The following GRIA4 variants were observed in gnomAD, a reference collection of about 807,000 sequenced individuals.
GRIA4 encodes glutamate receptor 4.
GRIA4 carries 34 observed loss-of-function variants against 104.0 expected under a neutral mutation model. The ratio of observed to expected loss-of-function variants is 0.33; its 90% CI spans 0.25 to 0.44. GRIA4 has a LOEUF of 0.44. GRIA4 is among the 20% of genes least tolerant of loss of function. The probability of loss-of-function intolerance (pLI) is 1.00; values close to 1 mark genes in which losing one functional copy is unlikely to be tolerated. For missense variants in GRIA4, 750 were observed against 1,096.5 expected (o/e 0.68, Z 4.46); for synonymous variants, 386 against 381.9 (o/e 1.01, Z -0.13).
At chr11:105,969,625 G>A (rs1024617837) in intron 14 of GRIA4, among the ~76,000 whole-genome samples, 5 of 152,038 alleles carry the variant, frequency 3.3e-5, no homozygotes, top group Non-Finnish European at 7.4e-5. Flanking sequence ...GGAAACTCTC[G>A]AACTTTCCTC....
intron 3 of GRIA4, among the ~76,000 whole-genome samples, chr11:105,677,000 T>C (rs1262241595): frequency 6.6e-6 from 1 of 151,812 alleles, no homozygotes; most frequent in Non-Finnish European, 1.5e-5. Context: ...AAAACATGCA[T>C]TCCATTTGCA....
intron 3 of GRIA4, among the ~76,000 whole-genome samples, chr11:105,746,494 G>A (rs1939667925): frequency 6.6e-6 from 1 of 151,810 alleles, no homozygotes; most frequent in South Asian, 2.1e-4. Flanking sequence ...AGGAATCAGG[G>A]AAAGTTTGCT....
chr11:105,904,127 A>T (rs1946960127), intron 8 of GRIA4, 146 bp downstream of exon 8: 2 of 614,238 alleles, frequency 3.3e-6, no homozygotes, highest in South Asian at 2.2e-5. Flanking sequence ...GAACATTTCT[A>T]CATAAAATAC....
At chr11:105,762,365 G>A (rs773325746) in intron 4 of GRIA4, among the ~76,000 whole-genome samples, 17 of 152,176 alleles carry the variant, frequency 1.1e-4, no homozygotes, top group African/African-American at 4.1e-4. Flanking sequence ...ATACATTTTT[G>A]TTTAGAGTCG....
chr11:105,861,531 C>T (rs1402927534), intron 4 of GRIA4, among the ~76,000 whole-genome samples: 3 of 151,920 alleles, frequency 2.0e-5, no homozygotes, highest in East Asian at 1.9e-4. Flanking sequence ...AATAAAGCAC[C>T]GAGAATAATG....
intron 14 of GRIA4, among the ~76,000 whole-genome samples, chr11:105,952,629 T>C (rs1049187286): frequency 6.6e-6 from 1 of 152,198 alleles, no homozygotes; most frequent in African/African-American, 2.4e-5. Flanking sequence ...TAGAGACAAT[T>C]GCTGGAATCC....
At chr11:105,791,875 A>T (rs1942228430) in intron 4 of GRIA4, among the ~76,000 whole-genome samples, 1 of 152,156 alleles carries the variant, frequency 6.6e-6, no homozygotes, top group South Asian at 2.1e-4. Flanking sequence ...AAGCTTAGTA[A>T]GAGGATTTAT....
intron 3 of GRIA4, among the ~76,000 whole-genome samples, chr11:105,731,265 C>A (rs1938569515): frequency 6.6e-6 from 1 of 152,126 alleles, no homozygotes; most frequent in African/African-American, 2.4e-5. Flanking sequence ...GGCCAACAAA[C>A]ATATGCAAAA....
intron 14 of GRIA4, among the ~76,000 whole-genome samples, chr11:105,968,710 C>A (rs1406367316): frequency 1.3e-5 from 2 of 152,126 alleles, no homozygotes; most frequent in Non-Finnish European, 2.9e-5. Context: ...GTGATATGGT[C>A]CTGTTTTATG....
chr11:105,746,759 T>C (rs147373210), intron 3 of GRIA4, among the ~76,000 whole-genome samples: 7 of 152,256 alleles, frequency 4.6e-5, no homozygotes, highest in African/African-American at 4.8e-5. Context: ...CAGGAAATTA[T>C]ATAAAATATC....
chr11:105,746,052 A>G (rs545988094), intron 3 of GRIA4, among the ~76,000 whole-genome samples: 1 of 152,106 alleles, frequency 6.6e-6, no homozygotes, highest in Non-Finnish European at 1.5e-5. Flanking sequence ...TATAATTATA[A>G]TATTTTCATA....
At chr11:105,869,188 GT>G (rs1458403118) in intron 5 of GRIA4, among the ~76,000 whole-genome samples, 1 of 152,102 alleles carries the variant, frequency 6.6e-6, no homozygotes, top group Non-Finnish European at 1.5e-5. Context: ...AAGGATATAA[GT>G]TTTTTCAAGG....
chr11:105,635,652 T>C (rs1449537956), intron 3 of GRIA4, among the ~76,000 whole-genome samples: 1 of 152,210 alleles, frequency 6.6e-6, no homozygotes, highest in Non-Finnish European at 1.5e-5. Context: ...GCCCGAGCTG[T>C]GGCCTCAGTC....
intron 3 of GRIA4, among the ~76,000 whole-genome samples, chr11:105,637,556 C>A (rs1008083650): frequency 6.6e-6 from 1 of 152,100 alleles, no homozygotes; most frequent in African/African-American, 2.4e-5. Flanking sequence ...AAATACTCTG[C>A]CCTCATGAAG....
intron 4 of GRIA4, among the ~76,000 whole-genome samples, chr11:105,803,789 GCTT>G (rs752586736): frequency 6.8e-6 from 1 of 147,920 alleles, no homozygotes; most frequent in African/African-American, 2.5e-5. Flanking sequence ...CTCAAAGTAA[GCTT>G]CTGATATAGT....
rs557990094 is a variant in GRIA4, at chr11:105,718,866, G to C, written c.248-34115G>C. ...AGATTTGTGCTTGCTGAGGCTCCTT[G>C]AGCAGGATTCTTGTCAATTCCAATC... is the stretch of plus-strand genomic sequence containing the variant. On this transcript the variant is annotated intron_variant, in intron 3 of 16. Transcript: ENST00000282499. Among the ~76,000 whole-genome samples the C allele has an allele frequency of 3.9e-5, 6 of 152,260 alleles. No homozygotes were observed. The East Asian group carries it at 1.2e-3, about 29-fold the overall frequency.
chr11:105,684,348 G>A (rs1210109303), intron 3 of GRIA4, among the ~76,000 whole-genome samples: 2 of 151,878 alleles, frequency 1.3e-5, no homozygotes, highest in East Asian at 3.9e-4. Flanking sequence ...GTTCCACCAG[G>A]TATCAGTAAC....
At chr11:105,805,176 G>A (rs188002116) in intron 4 of GRIA4, among the ~76,000 whole-genome samples, 74 of 151,702 alleles carry the variant, frequency 4.9e-4, no homozygotes, top group Admixed American at 1.8e-3. Context: ...CTGTAATACC[G>A]ACTTTTACTA....
chr11:105,883,116 A>AG (rs1409450557), intron 5 of GRIA4, among the ~76,000 whole-genome samples: 1 of 152,100 alleles, frequency 6.6e-6, no homozygotes, highest in Admixed American at 6.6e-5. Context: ...CCCCACACAC[A>AG]GGGAAAAAAA....
Sources: allele counts gnomAD v4.1 joint callset (sites outside exome capture counted in the v4.1 genomes callset), GRCh38; gene constraint gnomAD v4.1.1; transcripts MANE v1.5; gene names NCBI Gene and HGNC (gene_info 2026-07-23, HGNC 2026-07-21).